SCIN: variants seen among roughly 807,000 people sequenced by gnomAD.
SCIN encodes the protein scinderin.
A neutral mutation model predicts 91.8 loss-of-function variants in SCIN; 91 were observed. The observed-to-expected ratio is 0.99, with a 90% confidence interval of 0.84 to 1.18. SCIN has a LOEUF of 1.18. SCIN is among the 50% of genes most tolerant of loss of function. The pLI is 0.00. For synonymous variants in SCIN, 367 were observed against 312.6 expected (o/e 1.17, Z -1.84); for missense variants, 1,087 against 863.9 (o/e 1.26, Z -3.24).
chr7:12,619,043 C>T (rs920196354), intron 4 of SCIN, among the ~76,000 whole-genome samples: 1 of 152,054 alleles, frequency 6.6e-6, no homozygotes, highest in African/African-American at 2.4e-5. Context: ...TTTTCTTAAT[C>T]TATGAAGTTA....
At position 12,658,625 on chromosome 7, in the gene SCIN, G is replaced by T. The variant is rs1051725973; in HGVS notation, c.*5910G>T. 5.3e-5 allele frequency: 8 copies of T among 152,202 alleles called. No individual in the cohort carries two copies. The highest frequency in any genetic ancestry group is 1.9e-4 in the African/African-American group (8 of 41,456). The allele number at this position is 152,202 out of a possible 1,614,324, so 9.4% of individuals were successfully genotyped here. A position where few individuals can be genotyped will look rare whatever the true frequency, so the allele number is the denominator to read the frequency against. ...GTTTGATTATCTCCATTATTTTGAA[G>T]GAGCCAGGTGCTTGGGGAACCTGGT... On this transcript the variant is annotated 3_prime_UTR_variant, in exon 16 of 16. Transcript: ENST00000297029.
intron 3 of SCIN, among the ~76,000 whole-genome samples, chr7:12,590,555 C>A (rs1406816417): frequency 1.3e-5 from 2 of 151,318 alleles, no homozygotes; most frequent in African/African-American, 4.9e-5. Context: ...TTTTGACTAT[C>A]CAGTCCCCTT....
chr7:12,636,115 C>G lies in SCIN; in HGVS notation c.1390C>G (p.Leu464Val). The G allele has an allele frequency of 1.9e-6, 3 of 1,612,806 alleles. No individual in the cohort carries two copies. The highest frequency in any genetic ancestry group is 2.5e-6 in the Non-Finnish European group (3 of 1,179,482). Residue 464 changes from leucine to valine, a missense_variant, in exon 10 of 16, where the codon CTT becomes GTT. Physicochemically the swap from Leu to Val is conservative, Grantham distance 32 (BLOSUM62 1). Coordinates refer to ENST00000297029, the MANE Select transcript of SCIN (RefSeq NM_001112706.3). ...AFLTVQLDRS[L>V]GGQAVQIRVS... ...CCTGACTGTTCAGTTGGATCGGTCC[C>G]TTGGAGGACAGGCTGTGCAGGTTGG... is the stretch of plus-strand genomic sequence containing the variant.
chr7:12,609,616 G>A (rs542164690), intron 4 of SCIN, among the ~76,000 whole-genome samples: 2 of 152,182 alleles, frequency 1.3e-5, no homozygotes, highest in East Asian at 3.9e-4. Context: ...AAAGAATGAA[G>A]ATGAAGAAAG....
In SCIN at chr7:12,609,075, A is replaced by G. The variant is rs187720764; in HGVS notation, c.666+4412A>G. Among the ~76,000 whole-genome samples, 14 of 152,300 alleles carry G rather than the reference A, an allele frequency of 9.2e-5. 2 individuals are homozygous for G. Among genetic ancestry groups the G allele is most frequent in the African/African-American group, 3.1e-4 (13 of 41,560 alleles). On this transcript the variant is annotated intron_variant, in intron 4 of 15. Coordinates refer to ENST00000297029, the MANE Select transcript of SCIN (RefSeq NM_001112706.3). ...CACAGTATTTTCACACAGTTTTTATATGGCTTATCTCCAGGGTGACCATAA... is the reference window on the plus strand; with the variant it reads ...CACAGTATTTTCACACAGTTTTTATGTGGCTTATCTCCAGGGTGACCATAA...
Position 12,657,740 on chromosome 7 carries a change from G to A in SCIN, c.*5025G>A, listed in dbSNP as rs1445607841. The A allele has an allele frequency of 6.6e-6, 1 of 150,962 alleles. No individual in the cohort carries two copies. Among genetic ancestry groups the A allele is most frequent in the Non-Finnish European group, 1.5e-5 (1 of 67,756 alleles). 9.4% of individuals were successfully genotyped at this position (150,962 alleles called of 1,614,324 possible). ...CTTTTTCATATTGATGTGAAAAGCAGCCAAGTATTATTTGACAACATCAGT... is the reference window on the plus strand; with the variant it reads ...CTTTTTCATATTGATGTGAAAAGCAACCAAGTATTATTTGACAACATCAGT... On this transcript the variant is annotated 3_prime_UTR_variant, in exon 16 of 16. Transcript: ENST00000297029.
At chr7:12,571,677 T>C (rs1782274517) in intron 1 of SCIN, 1 of 405,756 alleles carries the variant, frequency 2.5e-6, no homozygotes, top group Non-Finnish European at 4.9e-6. Flanking sequence ...TCTATATGGG[T>C]ATTTCATATA....
Position 12,570,832 on chromosome 7 carries a change from C to A in SCIN, c.46C>A (p.Gln16Lys). The change falls in exon 1 of 16, where the codon CAG becomes AAG. Residue 16 changes from glutamine (Q) to lysine (K), a missense_variant. Transcript: ENST00000297029. ...YHEEFARAGK[Q>K]AGLQVWRIEK... ...CGAAGAGTTCGCCCGGGCGGGCAAGCAGGCGGGGCTGCAGGTCTGGAGGAT... is the reference window on the plus strand; with the variant it reads ...CGAAGAGTTCGCCCGGGCGGGCAAGAAGGCGGGGCTGCAGGTCTGGAGGAT... 2 of 1,551,588 alleles carry A rather than the reference C, an allele frequency of 1.3e-6. No individual in the cohort carries two copies. Among genetic ancestry groups the A allele is most frequent in the Admixed American group, 2.0e-5 (1 of 51,006 alleles).
chr7:12,594,289 A>G (rs962452509), intron 3 of SCIN, among the ~76,000 whole-genome samples: 1 of 152,058 alleles, frequency 6.6e-6, no homozygotes, highest in Non-Finnish European at 1.5e-5. Flanking sequence ...CCACGGGGTC[A>G]AAGGAAGAGG....
chr7:12,577,561 CA>C lies in SCIN; in HGVS notation c.200-498del, dbSNP rs1338319308. On this transcript the variant is annotated intron_variant, in intron 1 of 15. Coordinates refer to ENST00000297029, the MANE Select transcript of SCIN (RefSeq NM_001112706.3). ...TTAAAGGAATTGGAAAAAGCAGAAA[CA>C]AAAACAGGCCGGGCATGGTGGCTCA... is the stretch of plus-strand genomic sequence containing the variant. 3 of 456,184 alleles carry C rather than the reference CA, an allele frequency of 6.6e-6. No individual in the cohort carries two copies. In the East Asian group the frequency reaches 2.1e-4, roughly 32 times the overall value. The allele number at this position is 456,184 out of a possible 1,614,324, so 28.3% of individuals were successfully genotyped here.
intron 4 of SCIN, among the ~76,000 whole-genome samples, chr7:12,621,015 C>T (rs1012658994): frequency 2.6e-5 from 4 of 152,042 alleles, no homozygotes; most frequent in African/African-American, 4.8e-5. Flanking sequence ...ATGCCAATCG[C>T]GTGGGCAACC....
rs62448336 is a variant in SCIN, at chr7:12,651,466, C to T, written c.1960-375C>T. ...TCGAAATATGTCAAAGAAGTGTATT[C>T]GGAGGTGAAATATTTTGGTTTCCTT... On this transcript the variant is annotated intron_variant, in intron 14 of 15. Transcript: ENST00000297029. The surrounding 1 kb of genome is among the most constrained non-coding windows in gnomAD (Gnocchi z 5.9). Among the ~76,000 whole-genome samples, 2 of 151,782 alleles carry T rather than the reference C, an allele frequency of 1.3e-5. No individual in the cohort carries two copies. Among genetic ancestry groups the T allele is most frequent in the South Asian group, 2.1e-4 (1 of 4,808 alleles).
chr7:12,625,624 C>A, intron 6 of SCIN, 138 bp from the exon 7 acceptor site: 1 of 658,206 alleles, frequency 1.5e-6, no homozygotes, highest in Non-Finnish European at 2.5e-6. Context: ...CCACCGCACC[C>A]GGCCAATTTT....
At chr7:12,596,170 C>T in intron 3 of SCIN, 1 of 309,530 alleles carries the variant, frequency 3.2e-6, no homozygotes, top group South Asian at 2.9e-5. Context: ...GGTGGGCTGC[C>T]TTCATGTGCA....
intron 2 of SCIN, among the ~76,000 whole-genome samples, chr7:12,579,922 G>A (rs1782454205): frequency 6.6e-6 from 1 of 152,138 alleles, no homozygotes; most frequent in South Asian, 2.1e-4. Flanking sequence ...CTCAAAACAG[G>A]AGTACATAGA....
At chr7:12,605,328 C>T (rs1350877976) in intron 4 of SCIN, among the ~76,000 whole-genome samples, 5 of 152,218 alleles carry the variant, frequency 3.3e-5, no homozygotes. Flanking sequence ...GGATTACAGG[C>T]ATGAGCCACC....
rs369786180 is a variant in SCIN, at chr7:12,652,742, C to T, written c.*27C>T. 40 of 1,590,210 alleles carry T rather than the reference C, an allele frequency of 2.5e-5. No individual in the cohort carries two copies. Among genetic ancestry groups the T allele is most frequent in the Admixed American group, 3.8e-5 (2 of 52,908 alleles). Reference sequence around the variant, plus strand: ...TTGGTATTTGTAAAAAGCAAACAAACATTACAAGGCAGTTATCTCATTGCT... The same window carrying T: ...TTGGTATTTGTAAAAAGCAAACAAATATTACAAGGCAGTTATCTCATTGCT... On this transcript the variant is annotated 3_prime_UTR_variant, in exon 16 of 16. Transcript: ENST00000297029.
intron 14 of SCIN, among the ~76,000 whole-genome samples, chr7:12,650,222 T>A (rs1394820342): frequency 6.6e-6 from 1 of 152,148 alleles, no homozygotes; most frequent in Admixed American, 6.5e-5. Flanking sequence ...TAATAAACCA[T>A]TCAGTTATAT....
chr7:12,572,092 G>A (rs1441798070), intron 1 of SCIN, among the ~76,000 whole-genome samples: 1 of 152,160 alleles, frequency 6.6e-6, no homozygotes, highest in Non-Finnish European at 1.5e-5. Flanking sequence ...AACATTTGAA[G>A]ATTTTAAGAA....
Sources: gnomAD v4.1 joint callset for allele counts (sites outside exome capture counted in the v4.1 genomes callset) on GRCh38, gnomAD v4.1.1 for gene constraint, Gnocchi (gnomAD v3.1) non-coding constraint, MANE v1.5 for transcripts, NCBI Gene and HGNC (gene_info 2026-07-23, HGNC 2026-07-21) for gene names.